GYPE: variants seen among roughly 807,000 people sequenced by gnomAD.
GYPE encodes glycophorin E (MNS blood group), also known as glycophorin-E.
In GYPE, 8 loss-of-function variants were observed where a neutral mutation model predicts 11.6. That is an observed-to-expected ratio of 0.69 (90% CI 0.41 to 1.25). The LOEUF (loss-of-function observed/expected upper bound fraction) is 1.25, where lower values mean the gene tolerates loss of function less well. GYPE is among the 50% of genes most tolerant of loss of function. The probability of loss-of-function intolerance (pLI) is 0.01; values close to 1 mark genes in which losing one functional copy is unlikely to be tolerated. For missense variants in GYPE, 90 were observed against 92.8 expected (o/e 0.97, Z 0.12); for synonymous variants, 28 against 29.6 (o/e 0.94, Z 0.18).
intron 2 of GYPE, among the ~76,000 whole-genome samples, chr4:143,879,355 T>C (rs1357212648): frequency 6.6e-6 from 1 of 152,214 alleles, no homozygotes; most frequent in Non-Finnish European, 1.5e-5. Context: ...TTACTTAGTA[T>C]ATACTACGTT....
At chr4:143,897,064 G>A (rs1173913369) in intron 1 of GYPE, among the ~76,000 whole-genome samples, 8 of 151,978 alleles carry the variant, frequency 5.3e-5, no homozygotes, top group East Asian at 1.9e-4. Flanking sequence ...GCTAAATGAC[G>A]AGTTAATGGG....
intron 1 of GYPE, among the ~76,000 whole-genome samples, chr4:143,881,014 C>G (rs1246390774): frequency 3.1e-4 from 47 of 149,276 alleles, no homozygotes; most frequent in East Asian, 2.4e-3. Context: ...TAGAACAAAA[C>G]TTCTGTCCCA....
At chr4:143,878,753 T>C (rs1460138079) in intron 2 of GYPE, 1 of 428,172 alleles carries the variant, frequency 2.3e-6, no homozygotes, top group African/African-American at 2.1e-5. Flanking sequence ...AATCGAACTG[T>C]TCTGTGGGTT....
chr4:143,873,423 A>G (rs962017773), intron 3 of GYPE: 5 of 455,578 alleles, frequency 1.1e-5, no homozygotes, highest in Non-Finnish European at 2.2e-5. Flanking sequence ...TAAAGGTCTA[A>G]AATTTCCTTT....
intron 1 of GYPE, among the ~76,000 whole-genome samples, chr4:143,902,788 A>G (rs1443899429): frequency 1.3e-5 from 2 of 152,166 alleles, no homozygotes; most frequent in African/African-American, 2.4e-5. Context: ...GTTTCCTCCA[A>G]TTAAATTAGT....
In GYPE at chr4:143,891,712, A is replaced by C. The variant is rs537435847; in HGVS notation, c.38-11203T>G. Among the ~76,000 whole-genome samples the C allele has an allele frequency of 2.0e-5, 3 of 152,262 alleles. No homozygotes were observed. In the East Asian group the frequency reaches 5.8e-4, roughly 29 times the overall value. On this transcript the variant is annotated intron_variant, in intron 1 of 3. Coordinates refer to ENST00000358615, the MANE Select transcript of GYPE (RefSeq NM_198682.3). ...CAAAACTAGGGTGCCGGCCGTTCAC[A>C]GGCTATAGTTTGCTTGGCCCCTGTA...
chr4:143,904,498 T>A (rs949356947), intron 1 of GYPE, among the ~76,000 whole-genome samples: 1 of 152,190 alleles, frequency 6.6e-6, no homozygotes, highest in African/African-American at 2.4e-5. Context: ...TGTGTGTTCC[T>A]CATGCCTGTG....
chr4:143,902,144 C>T (rs1744890128), intron 1 of GYPE, among the ~76,000 whole-genome samples: 1 of 151,994 alleles, frequency 6.6e-6, no homozygotes, highest in Non-Finnish European at 1.5e-5. Flanking sequence ...AAATTCTGGT[C>T]ATTTGTCATT....
chr4:143,875,032 T>C (rs1743742705), intron 3 of GYPE, among the ~76,000 whole-genome samples: 1 of 152,190 alleles, frequency 6.6e-6, no homozygotes, highest in African/African-American at 2.4e-5. Context: ...CACAGTATGA[T>C]AAACTTGTCT....
intron 3 of GYPE, chr4:143,873,389 C>G: frequency 2.2e-6 from 1 of 453,652 alleles, no homozygotes; most frequent in Non-Finnish European, 4.4e-6. Context: ...ACTTCTGAAC[C>G]TTCAGTTTTA....
chr4:143,900,006 A>G (rs1744800537), intron 1 of GYPE, among the ~76,000 whole-genome samples: 1 of 123,408 alleles, frequency 8.1e-6, no homozygotes, highest in Non-Finnish European at 1.7e-5. Context: ...AGTAAAAACA[A>G]AAATCTACAG....
At chr4:143,896,635 G>T (rs1367158484) in intron 1 of GYPE, among the ~76,000 whole-genome samples, 1 of 152,148 alleles carries the variant, frequency 6.6e-6, no homozygotes, top group Non-Finnish European at 1.5e-5. Context: ...AATACCATTT[G>T]ACCCAGCCAT....
At chr4:143,883,809 T>C (rs1744148439) in intron 1 of GYPE, among the ~76,000 whole-genome samples, 1 of 151,756 alleles carries the variant, frequency 6.6e-6, no homozygotes, top group African/African-American at 2.4e-5. Flanking sequence ...ATAGCAAGCA[T>C]ACTTTTGCTA....
At chr4:143,875,413 A>G (rs955328499) in intron 3 of GYPE, 37 of 1,536,566 alleles carry the variant, frequency 2.4e-5, no homozygotes, top group Non-Finnish European at 3.2e-5. Context: ...GCATAAGCAA[A>G]GGAATAGCAG....
At chr4:143,878,826 T>G (rs961675292) in intron 2 of GYPE, 2 of 363,278 alleles carry the variant, frequency 5.5e-6, no homozygotes, top group African/African-American at 4.4e-5. Flanking sequence ...TAGTAAAATT[T>G]ATGAGGGAAT....
chr4:143,897,015 G>A (rs934540823), intron 1 of GYPE, among the ~76,000 whole-genome samples: 3 of 152,042 alleles, frequency 2.0e-5, no homozygotes, highest in African/African-American at 7.2e-5. Flanking sequence ...TGTGGGGTGG[G>A]GGCAGGGGGG....
intron 1 of GYPE, among the ~76,000 whole-genome samples, chr4:143,885,470 A>G (rs1475113910): frequency 6.6e-6 from 1 of 152,090 alleles, no homozygotes; most frequent in East Asian, 1.9e-4. Flanking sequence ...ACAGTAAAAG[A>G]GCACTTGGTG....
At chr4:143,898,287 G>A (rs1241605409) in intron 1 of GYPE, among the ~76,000 whole-genome samples, 3 of 152,190 alleles carry the variant, frequency 2.0e-5, no homozygotes, top group Non-Finnish European at 1.5e-5. Flanking sequence ...TGAGGCAGGA[G>A]AATTGCTTGA....
intron 3 of GYPE, among the ~76,000 whole-genome samples, chr4:143,876,067 A>C (rs951081780): frequency 6.6e-6 from 1 of 152,014 alleles, no homozygotes; most frequent in Non-Finnish European, 1.5e-5. Context: ...CTGTTGCAAA[A>C]TATGTGAGAA....
Sources: gnomAD v4.1 joint callset for allele counts (sites outside exome capture counted in the v4.1 genomes callset) on GRCh38, gnomAD v4.1.1 for gene constraint, MANE v1.5 for transcripts, NCBI Gene and HGNC (gene_info 2026-07-23, HGNC 2026-07-21) for gene names.